XPO7: variants seen among roughly 807,000 people sequenced by gnomAD.
XPO7 encodes exportin-7.
XPO7 carries 21 observed loss-of-function variants against 144.3 expected under a neutral mutation model. The observed-to-expected ratio is 0.15, with a 90% CI of 0.10 to 0.21. XPO7 has a LOEUF of 0.21. XPO7 is among the 10% of genes least tolerant of loss of function. The pLI is 1.00. For synonymous variants in XPO7, 580 were observed against 499.6 expected (o/e 1.16, Z -2.15); for missense variants, 808 against 1,325.8 (o/e 0.61, Z 6.06).
At chr8:21,992,020 G>C in intron 19 of XPO7, 46 bp downstream of exon 19, 1 of 1,498,156 alleles carries the variant, frequency 6.7e-7, no homozygotes, top group South Asian at 1.2e-5. Context: ...CTGGTTTAGG[G>C]CAGTCTCTGA....
At position 21,990,423 on chromosome 8, in the gene XPO7, T is replaced by A. The variant is rs571051267; in HGVS notation, c.1932+16T>A. 1 of 1,612,144 alleles carries A rather than the reference T, an allele frequency of 6.2e-7. No homozygotes were observed. Among genetic ancestry groups the A allele is most frequent in the Admixed American group, 1.7e-5 (1 of 59,974 alleles). Reference sequence around the variant, plus strand: ...CAATCACACGGTGAGTGATTTTAGCTTTTTTTCCTGGCCCTCCTACCACCC... The same window carrying A: ...CAATCACACGGTGAGTGATTTTAGCATTTTTTCCTGGCCCTCCTACCACCC... On this transcript the variant is annotated intron_variant, in intron 17 of 27. Transcript: ENST00000252512.
At chr8:21,996,182 G>A (rs1563337940) in intron 21 of XPO7, among the ~76,000 whole-genome samples, 1 of 152,142 alleles carries the variant, frequency 6.6e-6, no homozygotes, top group Non-Finnish European at 1.5e-5. Flanking sequence ...CTAGCTTCTT[G>A]GGAGGCCGAA....
intron 27 of XPO7, 48 bp from the exon 28 acceptor site, chr8:22,004,947 C>T (rs1254159073): frequency 1.7e-5 from 15 of 858,688 alleles, no homozygotes; most frequent in South Asian, 1.4e-4. Flanking sequence ...AGGCAAATAC[C>T]TTTCCCCCCC....
At chr8:21,988,317 A>G (rs1056668504) in intron 15 of XPO7, 1 of 158,712 alleles carries the variant, frequency 6.3e-6, no homozygotes, top group African/African-American at 2.4e-5. Context: ...AAGAGTGTTG[A>G]GTCTCCAAAA....
chr8:21,954,048 TG>T (rs1811457323), intron 1 of XPO7, among the ~76,000 whole-genome samples: 2 of 152,190 alleles, frequency 1.3e-5, no homozygotes, highest in Admixed American at 6.5e-5. Flanking sequence ...AGAGGGGGAC[TG>T]GGGAAGATAA....
At chr8:21,926,765 A>T (rs1368588827) in intron 1 of XPO7, among the ~76,000 whole-genome samples, 1 of 151,832 alleles carries the variant, frequency 6.6e-6, no homozygotes, top group Non-Finnish European at 1.5e-5. Flanking sequence ...AAATCTATAC[A>T]TCTCAGTTGA....
intron 1 of XPO7, among the ~76,000 whole-genome samples, chr8:21,941,704 T>A (rs1282496102): frequency 1.3e-5 from 2 of 152,142 alleles, no homozygotes; most frequent in African/African-American, 4.8e-5. Context: ...GAGAAACCTA[T>A]GGATTAAAAG....
At chr8:21,967,660 C>T (rs1456292382) in intron 2 of XPO7, among the ~76,000 whole-genome samples, 1 of 152,054 alleles carries the variant, frequency 6.6e-6, no homozygotes, top group Non-Finnish European at 1.5e-5. Flanking sequence ...ATCCAAAGTC[C>T]TAGTACAAGA....
At chr8:21,970,060 T>A (rs1387109662) in intron 3 of XPO7, 84 bp from the exon 4 acceptor site, 14 of 1,446,994 alleles carry the variant, frequency 9.7e-6, no homozygotes, top group Non-Finnish European at 1.3e-5. Context: ...TCTTGGCCAT[T>A]TAGCATGTCT....
chr8:21,935,046 G>GTT lies in XPO7; in HGVS notation c.18+15258_18+15259insTT, dbSNP rs574902788. ...CATAAGAAATGATAAACTAAAGTAA[G>GTT]GACATTTGCATTGTATGTAGGCATT... On this transcript the variant is annotated intron_variant, in intron 1 of 27. Coordinates refer to ENST00000252512, the MANE Select transcript of XPO7 (RefSeq NM_015024.5). 6.4e-3 allele frequency among the ~76,000 whole-genome samples: 972 copies of GTT among 152,320 alleles called. 3 individuals carry two copies. Among genetic ancestry groups the GTT allele is most frequent in the Middle Eastern group, 0.017 (5 of 294 alleles).
intron 1 of XPO7, among the ~76,000 whole-genome samples, chr8:21,961,125 T>G (rs1415245675): frequency 6.6e-6 from 1 of 152,140 alleles, no homozygotes; most frequent in Non-Finnish European, 1.5e-5. Flanking sequence ...ACTGTTAACA[T>G]TTAGTGCTGC....
At chr8:21,920,027 C>T (rs944291626) in intron 1 of XPO7, among the ~76,000 whole-genome samples, 2 of 151,654 alleles carry the variant, frequency 1.3e-5, no homozygotes, top group African/African-American at 4.8e-5. Flanking sequence ...GCTGCAGGGA[C>T]AGGAACGGGC....
chr8:21,972,434 G>A (rs926691596), intron 5 of XPO7, among the ~76,000 whole-genome samples: 5 of 152,068 alleles, frequency 3.3e-5, no homozygotes, highest in Admixed American at 2.0e-4. Flanking sequence ...CCAAGATCGC[G>A]CTGTTGCACT....
intron 15 of XPO7, 32 bp from the exon 16 acceptor site, chr8:21,988,971 C>T (rs748509576): frequency 2.5e-6 from 4 of 1,601,342 alleles, no homozygotes; most frequent in Non-Finnish European, 3.4e-6. Context: ...TCAAAAGGGT[C>T]TCCTGCTTTT....
At chr8:21,927,390 A>G (rs1585413308) in intron 1 of XPO7, among the ~76,000 whole-genome samples, 1 of 152,276 alleles carries the variant, frequency 6.6e-6, no homozygotes, top group East Asian at 1.9e-4. Flanking sequence ...GTTGTGAGCA[A>G]GAAGTTTTAA....
intron 6 of XPO7, among the ~76,000 whole-genome samples, chr8:21,975,901 G>C (rs1281446154): frequency 6.6e-6 from 1 of 152,210 alleles, no homozygotes; most frequent in African/African-American, 2.4e-5. Flanking sequence ...TCTGGTTTGA[G>C]AGATTTTTGG....
Position 22,003,885 on chromosome 8 carries a change from C to T in XPO7, c.3043-18C>T, listed in dbSNP as rs1187682624. 1.4e-5 allele frequency: 23 copies of T among 1,613,498 alleles called. No homozygotes were observed. Among genetic ancestry groups the T allele is most frequent in the Middle Eastern group, 1.6e-4 (1 of 6,080 alleles). Reference sequence around the variant, plus strand: ...TCCCCTGCTTCTCTAACCTTCTGTTCCACTCCTTGCCCCACAGTATTTTTC... The same window carrying T: ...TCCCCTGCTTCTCTAACCTTCTGTTTCACTCCTTGCCCCACAGTATTTTTC... On this transcript the variant is annotated intron_variant, in intron 26 of 27. Coordinates refer to ENST00000252512, the MANE Select transcript of XPO7 (RefSeq NM_015024.5).
At position 21,977,567 on chromosome 8, in the gene XPO7, A is replaced by C. The variant is rs144545282; in HGVS notation, c.764-203A>C. Among the ~76,000 whole-genome samples, 597 of 152,340 alleles carry C rather than the reference A, an allele frequency of 3.9e-3. 3 individuals are homozygous for C. The highest frequency in any genetic ancestry group is 0.014 in the African/African-American group (577 of 41,576). ...GCCATTGCACTCCAGCCTGGGCTACAGAGGGAGACTCCGTCTCAAAAAAAA... is the reference window on the plus strand; with the variant it reads ...GCCATTGCACTCCAGCCTGGGCTACCGAGGGAGACTCCGTCTCAAAAAAAA... On this transcript the variant is annotated intron_variant, in intron 7 of 27. Transcript: ENST00000252512.
chr8:21,970,087 C>G (rs2117330924), intron 3 of XPO7, 57 bp from the exon 4 acceptor site: 1 of 1,564,150 alleles, frequency 6.4e-7, no homozygotes, highest in Middle Eastern at 1.7e-4. Context: ...ATACACCCTT[C>G]TCTGGCAGAG....
Sources: allele counts gnomAD v4.1 joint callset (sites outside exome capture counted in the v4.1 genomes callset), GRCh38; gene constraint gnomAD v4.1.1; transcripts MANE v1.5; gene names NCBI Gene and HGNC (gene_info 2026-07-23, HGNC 2026-07-21).